GPR37: variants seen among roughly 807,000 people sequenced by gnomAD.
GPR37 encodes the protein prosaposin receptor GPR37.
A neutral mutation model predicts 43.6 loss-of-function variants in GPR37; 20 were observed. That is an observed-to-expected ratio of 0.46 (90% CI 0.32 to 0.67). The LOEUF is 0.67. GPR37 is among the 30% of genes least tolerant of loss of function. The pLI is 0.03. For missense variants in GPR37, 724 were observed against 797.2 expected (o/e 0.91, Z 1.11); for synonymous variants, 315 against 322.6 (o/e 0.98, Z 0.25).
Position 124,746,515 on chromosome 7 carries a change from G to C in GPR37, c.*10C>G. On this transcript the variant is annotated 3_prime_UTR_variant, in exon 2 of 2. Coordinates refer to ENST00000303921, the MANE Select transcript of GPR37 (RefSeq NM_005302.5). Reference sequence around the variant, plus strand: ...AAACAAATAAATCTGACCCAACCAAGTACTGTCCTTCAGCAATGAGTTCCG... The same window carrying C: ...AAACAAATAAATCTGACCCAACCAACTACTGTCCTTCAGCAATGAGTTCCG... 6.4e-7 allele frequency: 1 copy of C among 1,567,688 alleles called. No individual in the cohort carries two copies. Among genetic ancestry groups the C allele is most frequent in the Admixed American group, 1.8e-5 (1 of 55,370 alleles).
rs757840217 is a variant in GPR37 at position 124,747,304 on chromosome 7, G to T, written c.1063C>A (p.Leu355Met). ...GCAGCACGGAAGCGGTCTATGCACA[G>T]AGCACATAAGGTGAAAGTGGTGACT... The part of the protein sequence containing the change: ...LGVTTFTLCA[L>M]CIDRFRAATN... The change falls in exon 2 of 2, where the codon CTG becomes ATG. Residue 355 changes from leucine (L) to methionine (M), a missense_variant. Transcript: ENST00000303921. 3 of 1,613,458 alleles carry T rather than the reference G, an allele frequency of 1.9e-6. 1 individual carries two copies. The East Asian group carries it at 6.7e-5, about 36-fold the overall frequency.
At chr7:124,759,828 C>T (rs1439241227) in intron 1 of GPR37, among the ~76,000 whole-genome samples, 2 of 152,020 alleles carry the variant, frequency 1.3e-5, no homozygotes, top group African/African-American at 4.8e-5. Context: ...AGCTTTAGGC[C>T]AACAAATTAA....
At chr7:124,762,280 C>T (rs1278342078) in intron 1 of GPR37, among the ~76,000 whole-genome samples, 3 of 151,910 alleles carry the variant, frequency 2.0e-5, no homozygotes, top group Non-Finnish European at 4.4e-5. Context: ...TTAAGGTGTT[C>T]TTTCAAGAAC....
chr7:124,757,405 G>A (rs986762534), intron 1 of GPR37, among the ~76,000 whole-genome samples: 1 of 152,084 alleles, frequency 6.6e-6, no homozygotes, highest in Non-Finnish European at 1.5e-5. Flanking sequence ...TTCTAGAACT[G>A]AACTATTTGC....
intron 1 of GPR37, among the ~76,000 whole-genome samples, chr7:124,749,865 C>A (rs1350069446): frequency 6.6e-6 from 1 of 152,042 alleles, no homozygotes; most frequent in Non-Finnish European, 1.5e-5. Context: ...TTCAGAATGT[C>A]TCCCATAAAC....
chr7:124,750,718 G>A (rs904133154), intron 1 of GPR37, among the ~76,000 whole-genome samples: 1 of 152,140 alleles, frequency 6.6e-6, no homozygotes, highest in African/African-American at 2.4e-5. Flanking sequence ...ATTAAGATGG[G>A]TGTGTTAGAT....
chr7:124,747,285 C>G lies in GPR37; in HGVS notation c.1082G>C (p.Arg361Pro), dbSNP rs780171990. The G allele has an allele frequency of 1.9e-6, 3 of 1,613,696 alleles. No individual in the cohort carries two copies. The highest frequency in any genetic ancestry group is 2.2e-5 in the South Asian group (2 of 91,070). Residue 361 changes from arginine (R) to proline (P), a missense_variant, in exon 2 of 2, where the codon CGT (arginine) becomes CCT (proline). Physicochemically the swap from Arg to Pro is moderately radical, Grantham distance 103. Transcript: ENST00000303921. ...TLCALCIDRF[R>P]AATNVQMYYE... is the part of the protein sequence containing the mutation. ...GTACATCTGTACGTTGGTGGCAGCACGGAAGCGGTCTATGCACAGAGCACA... is the reference window on the plus strand; with the variant it reads ...GTACATCTGTACGTTGGTGGCAGCAGGGAAGCGGTCTATGCACAGAGCACA...
intron 1 of GPR37, among the ~76,000 whole-genome samples, chr7:124,751,532 T>C (rs1793736102): frequency 6.6e-6 from 1 of 152,112 alleles, no homozygotes; most frequent in Non-Finnish European, 1.5e-5. Context: ...TACCCAAACA[T>C]GAAATCTATC....
chr7:124,747,023 G>A lies in GPR37; in HGVS notation c.1344C>T (p.Gly448=). ...AAAGCGTGGGCAAACAAAAGTAACAGCCAAAATACCACCACAGTCTCGCAC... is the reference window on the plus strand; with the variant it reads ...AAAGCGTGGGCAAACAAAAGTAACAACCAAAATACCACCACAGTCTCGCAC... ...YDSARLWWYF[G]CYFCLPTLFT... Residue 448 remains glycine, a synonymous_variant, in exon 2 of 2, where the codon GGC becomes GGT. Transcript: ENST00000303921. The A allele has an allele frequency of 6.2e-7, 1 of 1,613,958 alleles. No homozygotes were observed. Among genetic ancestry groups the A allele is most frequent in the Non-Finnish European group, 8.5e-7 (1 of 1,179,922 alleles).
intron 1 of GPR37, among the ~76,000 whole-genome samples, chr7:124,753,736 C>A (rs985289613): frequency 6.6e-6 from 1 of 152,058 alleles, no homozygotes; most frequent in Non-Finnish European, 1.5e-5. Flanking sequence ...CTCATCTAGT[C>A]CCTTATCACC....
intron 1 of GPR37, among the ~76,000 whole-genome samples, chr7:124,759,662 A>AT (rs780934379): frequency 2.2e-4 from 34 of 152,138 alleles, no homozygotes; most frequent in Non-Finnish European, 4.3e-4. Flanking sequence ...ACTTTATGAG[A>AT]TTTATTATTA....
intron 1 of GPR37, among the ~76,000 whole-genome samples, chr7:124,754,508 G>T (rs536377545): frequency 8.4e-6 from 1 of 119,604 alleles, no homozygotes; most frequent in Non-Finnish European, 1.8e-5. Flanking sequence ...AAGAAAAAAC[G>T]AAACAGTGTC....
Position 124,746,652 on chromosome 7 carries a change from A to G in GPR37, c.1715T>C (p.Ile572Thr). Reference protein sequence around the residue: ...ECCCCCCEECIQKSSTVTSDD... With the variant: ...ECCCCCCEECTQKSSTVTSDD... ...ACTGGTCACCGTTGAAGACTTCTGA[A>G]TGCATTCCTCACAGCAACAGCAGCA... Residue 572 changes from isoleucine (I) to threonine (T), a missense_variant, in exon 2 of 2, where the codon ATT becomes ACT. Ile to Thr is a moderately conservative substitution (Grantham distance 89). Around this residue, in one of 2 missense-constraint regions of GPR37, gnomAD observed 342 missense variants for 441.8 expected, o/e 0.77. Transcript: ENST00000303921. 1 of 1,613,880 alleles carries G rather than the reference A, an allele frequency of 6.2e-7. No homozygotes were observed. The highest frequency in any genetic ancestry group is 8.5e-7 in the Non-Finnish European group (1 of 1,179,854).
At position 124,750,955 on chromosome 7, in the gene GPR37, C is replaced by T. The variant is rs2267709; in HGVS notation, c.1024-3612G>A. Reference sequence around the variant, plus strand: ...GGATGCTCAGTTCTTCAGTCATATTCCCAAAAGCTTTAGTACCAAGTCAAA... The same window carrying T: ...GGATGCTCAGTTCTTCAGTCATATTTCCAAAAGCTTTAGTACCAAGTCAAA... On this transcript the variant is annotated intron_variant, in intron 1 of 1. Coordinates refer to ENST00000303921, the MANE Select transcript of GPR37 (RefSeq NM_005302.5). Among the ~76,000 whole-genome samples the T allele has an allele frequency of 7.4e-4, 113 of 152,176 alleles. 1 individual carries two copies. The East Asian group carries it at 0.021, about 28-fold the overall frequency.
intron 1 of GPR37, among the ~76,000 whole-genome samples, chr7:124,753,919 G>A (rs533721653): frequency 6.6e-6 from 1 of 151,990 alleles, no homozygotes; most frequent in East Asian, 1.9e-4. Flanking sequence ...TTTATACCCC[G>A]ATGAGAAATT....
chr7:124,749,885 T>C (rs2116311235), intron 1 of GPR37, among the ~76,000 whole-genome samples: 1 of 152,270 alleles, frequency 6.6e-6, no homozygotes, highest in South Asian at 2.1e-4. Flanking sequence ...CATTGGCATA[T>C]GAAACATCAA....
At chr7:124,760,873 G>A (rs781232733) in intron 1 of GPR37, among the ~76,000 whole-genome samples, 1 of 152,252 alleles carries the variant, frequency 6.6e-6, no homozygotes, top group Admixed American at 6.5e-5. Context: ...AAAAGCTACT[G>A]TAAGCTGGGC....
chr7:124,749,939 C>A (rs1793713776), intron 1 of GPR37, among the ~76,000 whole-genome samples: 1 of 152,118 alleles, frequency 6.6e-6, no homozygotes, highest in Non-Finnish European at 1.5e-5. Context: ...CCACTTTCAT[C>A]TTTTAATAAT....
rs3735270 is a variant in GPR37, at chr7:124,747,038, C to G, written c.1329G>C (p.Leu443=). The G allele has an allele frequency of 0.47, 759,551 of 1,613,560 alleles. 181,706 individuals are homozygous for G. Among genetic ancestry groups the G allele is most frequent in the East Asian group, 0.54 (24,077 of 44,832 alleles). Residue 443 remains leucine (L), a synonymous_variant, in exon 2 of 2, where the codon CTG becomes CTC. Coordinates refer to ENST00000303921, the MANE Select transcript of GPR37 (RefSeq NM_005302.5). ...AAAAGTAACAGCCAAAATACCACCA[C>G]AGTCTCGCACTGTCGTAGGTGAGGG... The part of the protein sequence containing the change: ...VLALTYDSAR[L]WWYFGCYFCL...
Sources: allele counts gnomAD v4.1 joint callset (sites outside exome capture counted in the v4.1 genomes callset), GRCh38; gene constraint gnomAD v4.1.1; regional missense constraint gnomAD v4.1.1; transcripts MANE v1.5; gene names NCBI Gene and HGNC (gene_info 2026-07-23, HGNC 2026-07-21).